SPAG16: variants seen among roughly 807,000 people sequenced by gnomAD.
SPAG16 encodes the protein sperm-associated antigen 16 protein.
SPAG16 carries 86 observed loss-of-function variants against 80.4 expected under a neutral mutation model. That is an observed-to-expected ratio of 1.07 (90% CI 0.90 to 1.28). The LOEUF (loss-of-function observed/expected upper bound fraction) is 1.28, where lower values mean the gene tolerates loss of function less well. SPAG16 is among the 50% of genes most tolerant of loss of function. The pLI, the probability that SPAG16 is intolerant of heterozygous loss-of-function variation, is 0.00. For synonymous variants in SPAG16, 294 were observed against 265.9 expected (o/e 1.11, Z -1.03); for missense variants, 870 against 765.3 (o/e 1.14, Z -1.61).
At chr2:213,985,467 T>C (rs1186234714) in intron 12 of SPAG16, among the ~76,000 whole-genome samples, 2 of 152,118 alleles carry the variant, frequency 1.3e-5, no homozygotes, top group African/African-American at 4.8e-5. Context: ...GACAAATCTA[T>C]TTGCAAAGAT....
Position 214,149,271 on chromosome 2 carries a change from G to T in SPAG16, c.1720+5G>T. On this transcript the variant is annotated splice_donor_5th_base_variant and intron_variant, in intron 15 of 15. Coordinates refer to ENST00000331683, the MANE Select transcript of SPAG16 (RefSeq NM_024532.5). Reference sequence around the variant, plus strand: ...AGGTGAATTTTGATTCATCAGGTAGGATCATTTTTGTCTAATGTTTCTGAC... The same window carrying T: ...AGGTGAATTTTGATTCATCAGGTAGTATCATTTTTGTCTAATGTTTCTGAC... 1.3e-6 allele frequency: 2 copies of T among 1,549,446 alleles called. No individual in the cohort carries two copies. Among genetic ancestry groups the T allele is most frequent in the South Asian group, 1.2e-5 (1 of 82,272 alleles).
chr2:214,039,124 T>G (rs36137307), intron 13 of SPAG16, among the ~76,000 whole-genome samples: 19,567 of 152,190 alleles, frequency 0.13, 1,388 homozygotes, highest in Non-Finnish European at 0.16. Flanking sequence ...CCACACTGAC[T>G]TCCACAATGG....
chr2:213,529,110 T>G (rs919300659), intron 10 of SPAG16, among the ~76,000 whole-genome samples: 4 of 152,200 alleles, frequency 2.6e-5, no homozygotes, highest in African/African-American at 9.6e-5. Flanking sequence ...ATGAAACTAT[T>G]CTCTACTTTA....
At chr2:213,645,464 G>A (rs2062786231) in intron 10 of SPAG16, among the ~76,000 whole-genome samples, 1 of 151,980 alleles carries the variant, frequency 6.6e-6, no homozygotes, top group African/African-American at 2.4e-5. Flanking sequence ...TAGTTAGCAG[G>A]TGATGAATGC....
At chr2:213,499,871 C>T (rs2074661873) in intron 10 of SPAG16, among the ~76,000 whole-genome samples, 1 of 152,150 alleles carries the variant, frequency 6.6e-6, no homozygotes, top group African/African-American at 2.4e-5. Context: ...AGTCATCCCC[C>T]AATTCTCATA....
chr2:213,343,386 CT>C (rs1394529240), intron 6 of SPAG16, among the ~76,000 whole-genome samples: 6 of 152,230 alleles, frequency 3.9e-5, no homozygotes, highest in Non-Finnish European at 8.8e-5. Flanking sequence ...GGGAAATTAA[CT>C]GTCTGTCAGA....
intron 15 of SPAG16, among the ~76,000 whole-genome samples, chr2:214,342,947 A>C (rs73989440): frequency 0.064 from 9,672 of 152,086 alleles, 1,022 homozygotes; most frequent in African/African-American, 0.22. Flanking sequence ...ACTCTCCACA[A>C]CCCTGACAAT....
chr2:213,499,416 A>G (rs559014192), intron 10 of SPAG16, among the ~76,000 whole-genome samples: 5 of 152,252 alleles, frequency 3.3e-5, no homozygotes, highest in African/African-American at 1.2e-4. Context: ...CACAGATCAT[A>G]TCTTGTCACT....
At chr2:214,144,257 G>T (rs1393054069) in intron 14 of SPAG16, among the ~76,000 whole-genome samples, 1 of 152,048 alleles carries the variant, frequency 6.6e-6, no homozygotes, top group Non-Finnish European at 1.5e-5. Flanking sequence ...TATCTTTGAG[G>T]AGTTTAATTA....
At chr2:214,127,884 A>T (rs370373728) in intron 14 of SPAG16, among the ~76,000 whole-genome samples, 1 of 151,946 alleles carries the variant, frequency 6.6e-6, no homozygotes, top group South Asian at 2.1e-4. Context: ...TTCTTTGGTC[A>T]GTTTGTTATA....
intron 9 of SPAG16, among the ~76,000 whole-genome samples, chr2:213,408,117 GA>G (rs558288380): frequency 3.6e-4 from 48 of 135,178 alleles, no homozygotes; most frequent in African/African-American, 7.4e-4. Context: ...CAAAAACAAA[GA>G]AAAAAAAACA....
intron 13 of SPAG16, among the ~76,000 whole-genome samples, chr2:214,027,564 A>T (rs1002937304): frequency 6.6e-6 from 1 of 151,766 alleles, no homozygotes; most frequent in African/African-American, 2.4e-5. Flanking sequence ...TTGATAAAGG[A>T]TCTATAAGAT....
chr2:213,820,480 C>A (rs1254647012), intron 10 of SPAG16, among the ~76,000 whole-genome samples: 1 of 151,928 alleles, frequency 6.6e-6, no homozygotes, highest in African/African-American at 2.4e-5. Flanking sequence ...TGGCAGACTG[C>A]ACAGGAATAG....
intron 10 of SPAG16, among the ~76,000 whole-genome samples, chr2:213,629,166 C>G (rs1171723827): frequency 4.6e-5 from 7 of 152,204 alleles, no homozygotes; most frequent in African/African-American, 1.7e-4. Context: ...AGTCAGAAAC[C>G]CAGACTTGTA....
At chr2:213,426,869 ACAC>A (rs1344785027) in intron 9 of SPAG16, among the ~76,000 whole-genome samples, 1 of 150,496 alleles carries the variant, frequency 6.6e-6, no homozygotes, top group Non-Finnish European at 1.5e-5. Context: ...ACACACACAC[ACAC>A]ACACACACAC....
At chr2:214,165,799 A>C (rs900472552) in intron 15 of SPAG16, among the ~76,000 whole-genome samples, 1 of 151,936 alleles carries the variant, frequency 6.6e-6, no homozygotes, top group Admixed American at 6.6e-5. Flanking sequence ...CTGCTCCACT[A>C]TTTTCATTAA....
intron 15 of SPAG16, among the ~76,000 whole-genome samples, chr2:214,335,485 G>GAT (rs896459188): frequency 2.2e-5 from 3 of 135,352 alleles, no homozygotes; most frequent in African/African-American, 7.7e-5. Context: ...TATATATATA[G>GAT]ATATATATAT....
intron 12 of SPAG16, among the ~76,000 whole-genome samples, chr2:213,983,405 G>C (rs978355963): frequency 1.3e-5 from 2 of 151,832 alleles, no homozygotes; most frequent in Non-Finnish European, 2.9e-5. Context: ...CCAAACTGTG[G>C]TATTGTCATC....
intron 12 of SPAG16, among the ~76,000 whole-genome samples, chr2:214,007,092 A>G (rs983701204): frequency 6.6e-6 from 1 of 152,224 alleles, no homozygotes. Context: ...ATATTACTAG[A>G]TTATAAATTC....
Sources: gnomAD v4.1 joint callset for allele counts (sites outside exome capture counted in the v4.1 genomes callset) on GRCh38, gnomAD v4.1.1 for gene constraint, MANE v1.5 for transcripts, NCBI Gene and HGNC (gene_info 2026-07-23, HGNC 2026-07-21) for gene names.